Variants in ZDHHC14 observed in about 807,000 individuals in gnomAD.
ZDHHC14 encodes zDHHC palmitoyltransferase 14.
ZDHHC14 carries 16 observed loss-of-function variants against 47.7 expected under a neutral mutation model. The observed-to-expected ratio is 0.34, with a 90% CI of 0.23 to 0.51. The LOEUF (loss-of-function observed/expected upper bound fraction) is 0.51. ZDHHC14 is among the 20% of genes least tolerant of loss of function. ZDHHC14 has a pLI of 0.97. For missense variants in ZDHHC14, 515 were observed against 662.5 expected (o/e 0.78, Z 2.44); for synonymous variants, 293 against 278.9 (o/e 1.05, Z -0.50).
At chr6:157,597,829 G>C (rs56129188) in intron 3 of ZDHHC14, among the ~76,000 whole-genome samples, 1 of 152,242 alleles carries the variant, frequency 6.6e-6, no homozygotes, top group Admixed American at 6.5e-5. Flanking sequence ...CTGGTCCCTT[G>C]TTTTCTGTCC....
At chr6:157,597,365 A>T (rs928174002) in intron 3 of ZDHHC14, among the ~76,000 whole-genome samples, 8 of 152,128 alleles carry the variant, frequency 5.3e-5, no homozygotes, top group Admixed American at 1.3e-4. Flanking sequence ...CCTATGAGGG[A>T]TGTCTGTCGT....
intron 1 of ZDHHC14, among the ~76,000 whole-genome samples, chr6:157,383,692 C>T: frequency 6.6e-6 from 1 of 152,212 alleles, no homozygotes; most frequent in East Asian, 1.9e-4. Flanking sequence ...CACACAACTC[C>T]TCTTCCCCAT....
chr6:157,592,172 T>C (rs1582988650), intron 2 of ZDHHC14, among the ~76,000 whole-genome samples: 3 of 152,086 alleles, frequency 2.0e-5, no homozygotes, highest in African/African-American at 7.2e-5. Flanking sequence ...GGTTCACACC[T>C]TGGGGGAGTT....
At chr6:157,573,710 G>A (rs1783188303) in intron 2 of ZDHHC14, among the ~76,000 whole-genome samples, 1 of 152,182 alleles carries the variant, frequency 6.6e-6, no homozygotes, top group Non-Finnish European at 1.5e-5. Context: ...TGGGCATGAT[G>A]GGTTAATCCT....
intron 2 of ZDHHC14, among the ~76,000 whole-genome samples, chr6:157,568,090 T>A (rs562874804): frequency 2.0e-5 from 3 of 152,342 alleles, no homozygotes; most frequent in African/African-American, 7.2e-5. Flanking sequence ...AAAATCATTA[T>A]GAAAACTATG....
intron 1 of ZDHHC14, among the ~76,000 whole-genome samples, chr6:157,474,147 C>G (rs1779423917): frequency 6.6e-6 from 1 of 152,084 alleles, no homozygotes; most frequent in Non-Finnish European, 1.5e-5. Context: ...CACCACCATG[C>G]CCAGCTAATT....
At chr6:157,382,530 C>T (rs558142775) in intron 1 of ZDHHC14, among the ~76,000 whole-genome samples, 1 of 152,268 alleles carries the variant, frequency 6.6e-6, no homozygotes, top group East Asian at 1.9e-4. Context: ...ATCCAGGTGG[C>T]GGATGGGACC....
intron 8 of ZDHHC14, among the ~76,000 whole-genome samples, chr6:157,661,975 A>G (rs1254860079): frequency 6.6e-6 from 1 of 151,720 alleles, no homozygotes; most frequent in Non-Finnish European, 1.5e-5. Context: ...GGCATGCACC[A>G]CCATGCCTGG....
chr6:157,471,382 T>A (rs951967596), intron 1 of ZDHHC14, among the ~76,000 whole-genome samples: 2 of 152,188 alleles, frequency 1.3e-5, no homozygotes, highest in Non-Finnish European at 2.9e-5. Context: ...ATGATTTCTG[T>A]GTGGGCTGGA....
chr6:157,397,905 G>C (rs1351877087), intron 1 of ZDHHC14, among the ~76,000 whole-genome samples: 2 of 152,092 alleles, frequency 1.3e-5, no homozygotes, highest in Admixed American at 6.5e-5. Context: ...AGATGGGTCC[G>C]CCACCCAGCA....
rs1296720766 is a variant in ZDHHC14 at position 157,427,119 on chromosome 6, G to T, written c.245+44853G>T. Among the ~76,000 whole-genome samples, 2 of 152,020 alleles carry T rather than the reference G, an allele frequency of 1.3e-5. No homozygotes were observed. The highest frequency in any genetic ancestry group is 2.9e-5 in the Non-Finnish European group (2 of 67,992). ...AGAAGAGAGGGAAGGAAGAGGGCGT[G>T]CAGGGCGGAGGGACAAGGCTCAGGC... On this transcript the variant is annotated intron_variant, in intron 1 of 8. Transcript: ENST00000359775. This position sits in a 1 kb window ranked among gnomAD's most constrained non-coding sequence, Gnocchi z 4.4.
At chr6:157,475,062 A>T (rs1051440191) in intron 1 of ZDHHC14, among the ~76,000 whole-genome samples, 1 of 152,188 alleles carries the variant, frequency 6.6e-6, no homozygotes, top group Admixed American at 6.5e-5. Flanking sequence ...ATTTTTGTAT[A>T]TGGCATAGAT....
chr6:157,608,096 A>C (rs1273164087), intron 3 of ZDHHC14, among the ~76,000 whole-genome samples: 3 of 152,148 alleles, frequency 2.0e-5, no homozygotes, highest in Non-Finnish European at 2.9e-5. Context: ...GAAAACATGC[A>C]TTTTTTTCCA....
At chr6:157,498,270 C>CAAA (rs35694550) in intron 1 of ZDHHC14, among the ~76,000 whole-genome samples, 4 of 139,916 alleles carry the variant, frequency 2.9e-5, no homozygotes, top group African/African-American at 7.9e-5. Context: ...GACCACATCT[C>CAAA]AAAAAAAAAA....
chr6:157,615,513 A>T (rs1032596122), intron 3 of ZDHHC14, among the ~76,000 whole-genome samples: 3 of 152,212 alleles, frequency 2.0e-5, no homozygotes, highest in Non-Finnish European at 4.4e-5. Flanking sequence ...AGTTCTTGAA[A>T]AGTTTTATTT....
Position 157,628,473 on chromosome 6 carries a change from C to T in ZDHHC14, c.690C>T (p.Thr230=), listed in dbSNP as rs1483992128. The T allele has an allele frequency of 2.5e-6, 4 of 1,611,876 alleles. No individual in the cohort carries two copies. The highest frequency in any genetic ancestry group is 3.4e-6 in the Non-Finnish European group (4 of 1,179,538). Residue 230 remains threonine (T), a synonymous_variant, in exon 4 of 9, where the codon ACC becomes ACT. Coordinates refer to ENST00000359775, the MANE Select transcript of ZDHHC14 (RefSeq NM_024630.3). The stretch of plus-strand genomic sequence containing the variant: ...TCTTTATATTTGCATTCGTTATCAC[C>T]CACGTCATTCTTCGTAAGTATGCTG... The part of the protein sequence containing the change: ...LTVFIFAFVI[T]HVILRSQQTG...
intron 1 of ZDHHC14, among the ~76,000 whole-genome samples, chr6:157,465,917 C>T (rs987671888): frequency 6.6e-6 from 1 of 152,174 alleles, no homozygotes; most frequent in African/African-American, 2.4e-5. Flanking sequence ...TGGCGGGTGC[C>T]TGTAATCCCA....
chr6:157,550,390 T>C (rs547972648), intron 2 of ZDHHC14, among the ~76,000 whole-genome samples: 2,020 of 123,516 alleles, frequency 0.016, 58 homozygotes, highest in African/African-American at 0.057. Flanking sequence ...CTAGAGAGAC[T>C]GCAGTGTCAC....
chr6:157,463,868 T>C lies in ZDHHC14; in HGVS notation c.246-78717T>C, dbSNP rs1779150359. On this transcript the variant is annotated intron_variant, in intron 1 of 8. Transcript: ENST00000359775. The surrounding 1 kb of genome is among the most constrained non-coding windows in gnomAD (Gnocchi z 4.4). ...GGTGAAACCCCATCTCTACAAAAAA[T>C]ACAAAAATTAGCCAGGCATTGTGGC... Among the ~76,000 whole-genome samples, 1 of 151,880 alleles carries C rather than the reference T, an allele frequency of 6.6e-6. No individual in the cohort carries two copies. Among genetic ancestry groups the C allele is most frequent in the Non-Finnish European group, 1.5e-5 (1 of 67,982 alleles).
Sources: gnomAD v4.1 joint callset for allele counts (sites outside exome capture counted in the v4.1 genomes callset) on GRCh38, gnomAD v4.1.1 for gene constraint, Gnocchi (gnomAD v3.1) non-coding constraint, MANE v1.5 for transcripts, NCBI Gene and HGNC (gene_info 2026-07-23, HGNC 2026-07-21) for gene names.